Variants in EPS8L2 observed in about 807,000 individuals in gnomAD.
EPS8L2 encodes the protein EPS8 signaling adaptor L2.
EPS8L2 carries 81 observed loss-of-function variants against 99.4 expected under a neutral mutation model. The ratio of observed to expected loss-of-function variants is 0.82; its 90% confidence interval spans 0.68 to 0.98. The LOEUF (loss-of-function observed/expected upper bound fraction) is 0.98, where lower values mean the gene tolerates loss of function less well. EPS8L2 is among the 50% of genes least tolerant of loss of function. EPS8L2 has a pLI of 0.00. For missense variants in EPS8L2, 1,155 were observed against 968.8 expected, an observed-to-expected ratio of 1.19 and a Z score of -2.55; for synonymous variants, 509 against 407.3, an observed-to-expected ratio of 1.25 and a Z score of -3.01.
In EPS8L2 at chr11:720,169, G is replaced by A. The variant is rs1862117743; in HGVS notation, c.273G>A (p.Glu91=). 2.5e-6 allele frequency: 4 copies of A among 1,613,356 alleles called. No individual in the cohort carries two copies. In the South Asian group the frequency reaches 3.3e-5, roughly 13 times the overall value. The change falls in exon 5 of 21, where the codon GAG becomes GAA. Residue 91 remains glutamate, a synonymous_variant. Transcript: ENST00000318562. The stretch of plus-strand genomic sequence containing the variant: ...CCAAGGAGAAGATCTGGACCCAGGA[G>A]ATGCTGCTGCAGGTGAACGACCAGT... ...LSSKEKIWTQ[E]MLLQVNDQSL... is the part of the protein sequence containing the mutation.
Position 726,673 on chromosome 11 carries a change from G to A in EPS8L2, c.1989G>A (p.Lys663=). Residue 663 remains lysine (K), a synonymous_variant, in exon 20 of 21, where the codon AAG becomes AAA. Transcript: ENST00000318562. ...GGCCGCAGCTCTTCTCCCTCAACAA[G>A]GAGGAGCTGAAGAAAGTGTGCGGCG... ...LTGPQLFSLN[K]EELKKVCGEE... The A allele has an allele frequency of 1.9e-6, 3 of 1,576,310 alleles. No individual in the cohort carries two copies. In the South Asian group the frequency reaches 3.5e-5, roughly 18 times the overall value.
intron 16 of EPS8L2, 72 bp from the exon 17 acceptor site, chr11:725,656 A>C (rs1862292634): frequency 7.9e-7 from 1 of 1,273,646 alleles, no homozygotes; most frequent in South Asian, 2.9e-5. Context: ...GACCTCTGTA[A>C]AGCGGCGCCA....
chr11:718,141 T>C (rs1352418877), intron 4 of EPS8L2, among the ~76,000 whole-genome samples: 3 of 152,200 alleles, frequency 2.0e-5, no homozygotes, highest in Non-Finnish European at 4.4e-5. Context: ...GAGACCATTC[T>C]GGCCAACATG....
At chr11:708,305 G>A (rs1328402040) in intron 1 of EPS8L2, among the ~76,000 whole-genome samples, 1 of 152,204 alleles carries the variant, frequency 6.6e-6, no homozygotes, top group Non-Finnish European at 1.5e-5. Flanking sequence ...GGGCCATCAG[G>A]CTCTGTCCAT....
rs564173778 is a variant in EPS8L2, at chr11:721,051, C to T, written c.558-13C>T. The T allele has an allele frequency of 3.8e-5, 53 of 1,391,550 alleles. No individual in the cohort carries two copies. The African/African-American group carries it at 7.1e-4, about 19-fold the overall frequency. The allele number at this position is 1,391,550 out of a possible 1,614,324, so 86.2% of individuals were successfully genotyped here. On this transcript the variant is annotated splice_polypyrimidine_tract_variant and intron_variant, in intron 7 of 20. Transcript: ENST00000318562. Reference sequence around the variant, plus strand: ...TTCCCGGCGGGGCTGAGCAGGACCCCCTCGCCCTCCAGGGGACACCAGGAG... The same window carrying T: ...TTCCCGGCGGGGCTGAGCAGGACCCTCTCGCCCTCCAGGGGACACCAGGAG...
intron 3 of EPS8L2, chr11:710,167 C>G: frequency 2.0e-6 from 1 of 490,054 alleles, no homozygotes; most frequent in East Asian, 3.8e-5. Flanking sequence ...GCACAGGCTG[C>G]TGGTCCCCAC....
intron 8 of EPS8L2, 33 bp downstream of exon 8, chr11:721,239 G>C (rs927748623): frequency 5.2e-6 from 8 of 1,537,394 alleles, no homozygotes; most frequent in Middle Eastern, 1.9e-4. Context: ...GCTCCACAGG[G>C]CTCGTTGTGG....
chr11:726,173 G>A lies in EPS8L2; in HGVS notation c.1753+3G>A. 2 of 1,607,518 alleles carry A rather than the reference G, an allele frequency of 1.2e-6. No individual in the cohort carries two copies. Among genetic ancestry groups the A allele is most frequent in the Non-Finnish European group, 8.5e-7 (1 of 1,177,150 alleles). On this transcript the variant is annotated splice_donor_region_variant and intron_variant, in intron 18 of 20. Coordinates refer to ENST00000318562, the MANE Select transcript of EPS8L2 (RefSeq NM_022772.4). ...AAGCTTCCCGGGGAACAAAGACGGT[G>A]AGAGCTGCTGCTTCGAGGCGGGGGT...
chr11:727,643 G>C lies in EPS8L2; in HGVS notation c.*662G>C, dbSNP rs1033527420. ...GTGTTGGGGGTGCTGGTGTGTCTTG[G>C]TGCCTGGACTTGAGTCTCACCCTAC... On this transcript the variant is annotated 3_prime_UTR_variant, in exon 21 of 21. Transcript: ENST00000318562. 1 of 153,200 alleles carries C rather than the reference G, an allele frequency of 6.5e-6. No homozygotes were observed. Among genetic ancestry groups the C allele is most frequent in the African/African-American group, 2.4e-5 (1 of 41,468 alleles). 9.5% of individuals were successfully genotyped at this position (153,200 alleles called of 1,614,324 possible).
chr11:724,894 C>A lies in EPS8L2; in HGVS notation c.1560+65C>A. 7.8e-7 allele frequency: 1 copy of A among 1,277,428 alleles called. No individual in the cohort carries two copies. The allele number at this position is 1,277,428 out of a possible 1,614,324, so 79.1% of individuals were successfully genotyped here. ...GGCAGGGCTTCAAGGGAGGGGCTAC[C>A]AGGGGAGGTGGGGAGCGGTCTAGGG... On this transcript the variant is annotated intron_variant, in intron 16 of 20. Transcript: ENST00000318562. This position sits in a 1 kb window ranked among gnomAD's most constrained non-coding sequence, Gnocchi z 5.5.
chr11:726,786 C>A, intron 20 of EPS8L2, 35 bp downstream of exon 20: 1 of 1,580,176 alleles, frequency 6.3e-7, no homozygotes, highest in Admixed American at 1.8e-5. Context: ...CACGCCCCTC[C>A]TGCCCCTGCG....
Position 726,467 on chromosome 11 carries a change from C to A in EPS8L2, c.1917C>A (p.Ala639=), listed in dbSNP as rs755698142. Reference sequence around the variant, plus strand: ...ACGAGGTCCGCGCCTGGCTGGAAGCCAAGGCCTTCAGCCCGCGGTGAGCGG... The same window carrying A: ...ACGAGGTCCGCGCCTGGCTGGAAGCAAAGGCCTTCAGCCCGCGGTGAGCGG... The part of the protein sequence containing the change: ...GPDEVRAWLE[A]KAFSPRIVEN... Residue 639 remains alanine, a synonymous_variant, in exon 19 of 21, where the codon GCC becomes GCA. Transcript: ENST00000318562. 47 of 1,568,936 alleles carry A rather than the reference C, an allele frequency of 3.0e-5. No individual in the cohort carries two copies. In the East Asian group the frequency reaches 1.0e-3, roughly 35 times the overall value.
At chr11:714,431 A>G (rs1386998632) in intron 4 of EPS8L2, among the ~76,000 whole-genome samples, 1 of 151,496 alleles carries the variant, frequency 6.6e-6, no homozygotes, top group East Asian at 1.9e-4. Context: ...GGGTTTCACC[A>G]TGTTGGCAAG....
chr11:720,523 C>G (rs773538757), intron 5 of EPS8L2, 74 bp from the exon 6 acceptor site: 21 of 1,549,068 alleles, frequency 1.4e-5, no homozygotes, highest in Non-Finnish European at 1.7e-5. Context: ...CCAGGCTTGT[C>G]CACAGCTCCG....
At chr11:711,269 C>CGTGTGTGT (rs201018308) in intron 4 of EPS8L2, among the ~76,000 whole-genome samples, 1 of 117,274 alleles carries the variant, frequency 8.5e-6, no homozygotes, top group Admixed American at 9.2e-5. Context: ...TGCGTGCGTG[C>CGTGTGTGT]GTGTGTGTGT....
In EPS8L2 at chr11:726,495, G is replaced by C. The variant is rs747960056; in HGVS notation, c.1934+11G>C. On this transcript the variant is annotated intron_variant, in intron 19 of 20. Coordinates refer to ENST00000318562, the MANE Select transcript of EPS8L2 (RefSeq NM_022772.4). ...GGCCTTCAGCCCGCGGTGAGCGGGG[G>C]CGGGGGATGAGCTGGGGCCCGGGCG... 4 of 1,544,808 alleles carry C rather than the reference G, an allele frequency of 2.6e-6. No individual in the cohort carries two copies. The highest frequency in any genetic ancestry group is 1.7e-4 in the Middle Eastern group (1 of 5,930).
chr11:721,166 C>G lies in EPS8L2; in HGVS notation c.660C>G (p.Ala220=), dbSNP rs778629402. ...FQHRGGDSPE[A]KNRVGPQVPL... ...ACCGCGGCGGGGATTCCCCGGAGGCCAAGAATCGCGTGGGCCCGCAGGTGC... is the reference window on the plus strand; with the variant it reads ...ACCGCGGCGGGGATTCCCCGGAGGCGAAGAATCGCGTGGGCCCGCAGGTGC... Residue 220 remains alanine, a synonymous_variant, in exon 8 of 21, where the codon GCC becomes GCG. Transcript: ENST00000318562. The G allele has an allele frequency of 1.2e-5, 18 of 1,535,452 alleles. No individual in the cohort carries two copies. In the South Asian group the frequency reaches 1.9e-4, roughly 16 times the overall value.
intron 15 of EPS8L2, 93 bp downstream of exon 15, chr11:723,446 G>A (rs1265737184): frequency 7.4e-6 from 4 of 541,130 alleles, no homozygotes; most frequent in Non-Finnish European, 1.3e-5. Flanking sequence ...ACCAGGTGGT[G>A]GCAAGTGCAT....
rs189639589 is a variant in EPS8L2, at chr11:708,290, G to A, written c.-78-1040G>A. ...AGTCCCCTTGGGACAAGTCAGCCTG[G>A]TTCAGGGCCATCAGGCTCTGTCCAT... On this transcript the variant is annotated intron_variant, in intron 1 of 20. Coordinates refer to ENST00000318562, the MANE Select transcript of EPS8L2 (RefSeq NM_022772.4). Among the ~76,000 whole-genome samples, 19 of 152,340 alleles carry A rather than the reference G, an allele frequency of 1.2e-4. 1 individual carries two copies. The East Asian group carries it at 3.7e-3, about 29-fold the overall frequency.
Sources: allele counts gnomAD v4.1 joint callset (sites outside exome capture counted in the v4.1 genomes callset), GRCh38; gene constraint gnomAD v4.1.1; non-coding constraint Gnocchi (gnomAD v3.1); transcripts MANE v1.5; gene names NCBI Gene and HGNC (gene_info 2026-07-23, HGNC 2026-07-21).